CHRNB4: variants seen among roughly 807,000 people sequenced by gnomAD.
CHRNB4 encodes the protein cholinergic receptor nicotinic beta 4 subunit.
In CHRNB4, 23 loss-of-function variants were observed where a neutral mutation model predicts 40.4. The observed-to-expected ratio is 0.57, with a 90% CI of 0.41 to 0.81. The LOEUF is 0.81. Among genes scored for constraint, CHRNB4 ranks in the 30% least tolerant of loss-of-function variants. The pLI is 0.00. For synonymous variants in CHRNB4, 285 were observed against 274.4 expected (o/e 1.04, Z -0.38); for missense variants, 568 against 670.6 (o/e 0.85, Z 1.69).
At chr15:78,625,441 C>T in intron 5 of CHRNB4, 150 bp from the exon 6 acceptor site, 1 of 681,268 alleles carries the variant, frequency 1.5e-6, no homozygotes. Context: ...CCCAGGCTGG[C>T]CTCCCAGCTG....
At chr15:78,631,012 C>G in intron 4 of CHRNB4, 64 bp downstream of exon 4, 1 of 1,340,438 alleles carries the variant, frequency 7.5e-7, no homozygotes, top group Non-Finnish European at 1.1e-6. Context: ...CTGGATGACT[C>G]TTAGGGCTGG....
chr15:78,624,234 G>C lies in CHRNB4; in HGVS notation c.*899C>G, dbSNP rs548778223. On this transcript the variant is annotated 3_prime_UTR_variant, in exon 6 of 6. Coordinates refer to ENST00000261751, the MANE Select transcript of CHRNB4 (RefSeq NM_000750.5). ...TCATGGAGCTCACACTCTAGTGGGT[G>C]AGCTGTGGATGACATACATGCCACC... 18 of 152,428 alleles carry C rather than the reference G, an allele frequency of 1.2e-4. No individual in the cohort carries two copies. Among genetic ancestry groups the C allele is most frequent in the African/African-American group, 4.3e-4 (18 of 41,566 alleles). The allele number at this position is 152,428 out of a possible 1,614,324, so 9.4% of individuals were successfully genotyped here.
intron 7 of CHRNB4, among the ~76,000 whole-genome samples, chr15:78,647,943 A>G (rs1332620417): frequency 6.6e-6 from 1 of 151,914 alleles, no homozygotes; most frequent in Non-Finnish European, 1.5e-5. Flanking sequence ...AAATATACAT[A>G]AGGCCTTTCA....
intron 5 of CHRNB4, among the ~76,000 whole-genome samples, chr15:78,628,466 A>G (rs2053711083): frequency 6.6e-6 from 1 of 152,150 alleles, no homozygotes; most frequent in Non-Finnish European, 1.5e-5. Flanking sequence ...GCAGGCTGGC[A>G]TTACCTGGAA....
exon 4 of CHRNB4, chr15:78,656,621 G>A (rs973135867): frequency 3.3e-5 from 5 of 152,188 alleles, no homozygotes; most frequent in African/African-American, 4.8e-5. Flanking sequence ...GATGTTGGGA[G>A]CACCCAGATA....
Position 78,624,878 on chromosome 15 carries a change from A to T in CHRNB4, c.*255T>A. 7.8e-7 allele frequency: 1 copy of T among 1,289,820 alleles called. No individual in the cohort carries two copies. The highest frequency in any genetic ancestry group is 1.5e-5 in the South Asian group (1 of 64,692). The allele number at this position is 1,289,820 out of a possible 1,614,324, so 79.9% of individuals were successfully genotyped here. A position where few individuals can be genotyped will look rare whatever the true frequency, so the allele number is the denominator to read the frequency against. ...CATCTTTATCCCCATTGCCCGGTGC[A>T]GGGAAGGAAGACAGGCCAGAATTGA... On this transcript the variant is annotated 3_prime_UTR_variant, in exon 6 of 6. Coordinates refer to ENST00000261751, the MANE Select transcript of CHRNB4 (RefSeq NM_000750.5).
intron 5 of CHRNB4, among the ~76,000 whole-genome samples, chr15:78,654,721 A>C (rs1467175087): frequency 6.6e-6 from 1 of 152,196 alleles, no homozygotes; most frequent in Non-Finnish European, 1.5e-5. Context: ...TTTTAAAAAA[A>C]CTTTTAATTG....
At chr15:78,634,630 A>G in intron 2 of CHRNB4, 1 of 444,268 alleles carries the variant, frequency 2.3e-6, no homozygotes, top group Non-Finnish European at 4.5e-6. Flanking sequence ...ACCTGGCCAG[A>G]GGAGGGTCAG....
chr15:78,642,119 C>G (rs955425105), upstream of CHRNB4, among the ~76,000 whole-genome samples: 1 of 152,206 alleles, frequency 6.6e-6, no homozygotes, highest in Non-Finnish European at 1.5e-5. Flanking sequence ...GCTTTGCCAC[C>G]TTATCTCCAG....
At chr15:78,649,389 A>C (rs1185829044) in exon 7 of CHRNB4, 3 of 455,046 alleles carry the variant, frequency 6.6e-6, no homozygotes, top group African/African-American at 6.0e-5. Flanking sequence ...ATAATACAAT[A>C]TGATCTGGAG....
upstream of CHRNB4, chr15:78,661,159 C>A (rs2054249944): frequency 3.2e-6 from 2 of 622,286 alleles, no homozygotes; most frequent in South Asian, 2.7e-5. Flanking sequence ...GCCGAAATGC[C>A]GGTACACCTC....
exon 4 of CHRNB4, chr15:78,656,254 T>C (rs1462848548): frequency 6.7e-6 from 1 of 150,046 alleles, no homozygotes. Context: ...GGAGAATTGC[T>C]TGAACCCGGG....
chr15:78,628,909 T>C, intron 5 of CHRNB4, 58 bp downstream of exon 5: 3 of 1,539,792 alleles, frequency 1.9e-6, no homozygotes, highest in Non-Finnish European at 2.6e-6. Flanking sequence ...GGGAAGCTGG[T>C]GCTACTATCT....
At chr15:78,648,380 G>C (rs533741472) in intron 7 of CHRNB4, among the ~76,000 whole-genome samples, 4 of 144,254 alleles carry the variant, frequency 2.8e-5, no homozygotes, top group African/African-American at 1.1e-4. Context: ...GCGACAGAGC[G>C]AGACTTGCCT....
At position 78,631,472 on chromosome 15, in the gene CHRNB4, C is replaced by T. The variant is rs566421576; in HGVS notation, c.205-140G>A. 35 of 724,618 alleles carry T rather than the reference C, an allele frequency of 4.8e-5. 2 individuals are homozygous for T. The South Asian group carries it at 5.9e-4, about 12-fold the overall frequency. 44.9% of individuals were successfully genotyped at this position (724,618 alleles called of 1,614,324 possible). ...CAACATCTCTTGGATGGCCCAAAGG[C>T]ATGTCACACTCAGCATGTTTGACAC... On this transcript the variant is annotated intron_variant, in intron 2 of 5. Coordinates refer to ENST00000261751, the MANE Select transcript of CHRNB4 (RefSeq NM_000750.5).
In CHRNB4 at chr15:78,655,173, C is replaced by T. The variant is rs116551884; in HGVS notation, c.-110+371G>A. On this transcript the variant is annotated intron_variant and NMD_transcript_variant, in intron 5 of 11. Coordinates refer to the CHRNB4 transcript ENST00000559849. ...TTCTGTCTCTATAGATTAGTTTGCA[C>T]TTTCTAGAATTTTGTATGAACACAA... Among the ~76,000 whole-genome samples the T allele has an allele frequency of 8.8e-3, 1,332 of 152,028 alleles. 15 individuals carry two copies. The highest frequency in any genetic ancestry group is 0.03 in the African/African-American group (1,262 of 41,510).
Position 78,624,780 on chromosome 15 carries a change from G to A in CHRNB4, c.*353C>T, listed in dbSNP as rs2053612289. On this transcript the variant is annotated 3_prime_UTR_variant, in exon 6 of 6. Coordinates refer to ENST00000261751, the MANE Select transcript of CHRNB4 (RefSeq NM_000750.5). ...AAGTGTGTGAGGAACTGGACAAGGG[G>A]AAGTGGAGAGAGATGGTGATGGAGA... The A allele has an allele frequency of 1.9e-6, 1 of 539,938 alleles. No homozygotes were observed. Among genetic ancestry groups the A allele is most frequent in the Admixed American group, 3.2e-5 (1 of 30,836 alleles). The allele number at this position is 539,938 out of a possible 1,614,324, so 33.4% of individuals were successfully genotyped here. A position where few individuals can be genotyped will look rare whatever the true frequency, so the allele number is the denominator to read the frequency against.
exon 5 of CHRNB4, chr15:78,655,584 C>T (rs1043178568): frequency 6.6e-5 from 10 of 151,024 alleles, no homozygotes. Flanking sequence ...GTAGGAGGAT[C>T]GCTTGATCCA....
chr15:78,639,545 G>T (rs918181632), intron 1 of CHRNB4, among the ~76,000 whole-genome samples: 1 of 152,118 alleles, frequency 6.6e-6, no homozygotes, highest in Non-Finnish European at 1.5e-5. Context: ...TGATCCGCCC[G>T]CCTCTGCCTC....
Sources: allele counts gnomAD v4.1 joint callset (sites outside exome capture counted in the v4.1 genomes callset), GRCh38; gene constraint gnomAD v4.1.1; transcripts MANE v1.5; gene names NCBI Gene and HGNC (gene_info 2026-07-23, HGNC 2026-07-21).